The following LRP1B variants were observed in gnomAD, a reference collection of about 807,000 sequenced individuals.
The protein encoded by LRP1B is LDL receptor related protein 1B.
A neutral mutation model predicts 556.6 loss-of-function variants in LRP1B; 217 were observed. The observed-to-expected ratio is 0.39, with a 90% CI of 0.35 to 0.44. The LOEUF is 0.44. LRP1B is among the 20% of genes least tolerant of loss of function. The pLI is 1.00. For synonymous variants in LRP1B, 2,047 were observed against 1,865.8 expected (o/e 1.10, Z -2.50); for missense variants, 5,053 against 5,620.8 (o/e 0.90, Z 3.23).
At chr2:141,135,112 T>A (rs1701458557) in intron 7 of LRP1B, among the ~76,000 whole-genome samples, 1 of 151,828 alleles carries the variant, frequency 6.6e-6, no homozygotes, top group Non-Finnish European at 1.5e-5. Context: ...TGGGTATCTG[T>A]GTGAGAGAGA....
At chr2:140,588,335 G>A (rs187583011) in intron 43 of LRP1B, among the ~76,000 whole-genome samples, 4 of 152,212 alleles carry the variant, frequency 2.6e-5, no homozygotes, top group Admixed American at 6.5e-5. Context: ...TCTATGCTTC[G>A]CTTTACTGGG....
intron 2 of LRP1B, among the ~76,000 whole-genome samples, chr2:141,770,457 C>T (rs1694866306): frequency 6.6e-6 from 1 of 152,186 alleles, no homozygotes; most frequent in Admixed American, 6.5e-5. Context: ...TAATTTTGAT[C>T]TACTGAAGGT....
intron 41 of LRP1B, among the ~76,000 whole-genome samples, chr2:140,661,935 T>C (rs1376230919): frequency 6.6e-6 from 1 of 152,206 alleles, no homozygotes. Context: ...ACAATTTATC[T>C]AATTGAAACA....
At chr2:141,707,467 T>C (rs1228672562) in intron 2 of LRP1B, among the ~76,000 whole-genome samples, 1 of 152,118 alleles carries the variant, frequency 6.6e-6, no homozygotes, top group African/African-American at 2.4e-5. Context: ...GCCCTTGAGA[T>C]TCACCTCAGA....
chr2:140,430,794 A>G (rs1030687288), intron 66 of LRP1B, among the ~76,000 whole-genome samples: 4 of 152,128 alleles, frequency 2.6e-5, no homozygotes, highest in Admixed American at 6.5e-5. Flanking sequence ...CTGGAAATCT[A>G]TCCTCAAGGC....
intron 2 of LRP1B, among the ~76,000 whole-genome samples, chr2:141,797,653 A>T (rs1289909835): frequency 6.6e-6 from 1 of 152,162 alleles, no homozygotes; most frequent in East Asian, 1.9e-4. Context: ...GACTCCTTCT[A>T]TCTTGAACTA....
intron 1 of LRP1B, among the ~76,000 whole-genome samples, chr2:141,974,910 C>T (rs1446282316): frequency 2.0e-5 from 3 of 152,148 alleles, no homozygotes; most frequent in African/African-American, 7.2e-5. Context: ...GCCCAGACTT[C>T]TCATAATTTG....
At chr2:140,638,827 TTA>T (rs34633251) in intron 41 of LRP1B, among the ~76,000 whole-genome samples, 5,687 of 151,562 alleles carry the variant, frequency 0.038, 257 homozygotes, top group African/African-American at 0.11. Context: ...ATATACAAAA[TTA>T]TATATGTGTA....
At chr2:141,424,555 C>A (rs1238662252) in intron 3 of LRP1B, among the ~76,000 whole-genome samples, 1 of 152,150 alleles carries the variant, frequency 6.6e-6, no homozygotes, top group African/African-American at 2.4e-5. Context: ...TTGAAAGGCA[C>A]TTTGAATAAA....
rs2105425516 is a variant in LRP1B at position 140,701,703 on chromosome 2, T to C, written c.6427+18A>G. ...CACATAAAATATACATATTATGTAT[T>C]CTTTCAAGAGTGCTGACCTTTCTCT... On this transcript the variant is annotated intron_variant, in intron 40 of 90. Transcript: ENST00000389484. 1 of 1,600,942 alleles carries C rather than the reference T, an allele frequency of 6.2e-7. No individual in the cohort carries two copies.
intron 3 of LRP1B, among the ~76,000 whole-genome samples, chr2:141,387,429 T>C (rs1441886304): frequency 6.6e-6 from 1 of 151,928 alleles, no homozygotes; most frequent in African/African-American, 2.4e-5. Context: ...CCTTTAGCTG[T>C]ACAACAAGGG....
At chr2:140,750,420 T>C (rs1281173535) in intron 35 of LRP1B, among the ~76,000 whole-genome samples, 2 of 144,336 alleles carry the variant, frequency 1.4e-5, no homozygotes, top group Non-Finnish European at 3.1e-5. Flanking sequence ...TAATGTATAA[T>C]GATTTCTTTT....
At chr2:141,397,833 C>T (rs1690298760) in intron 3 of LRP1B, among the ~76,000 whole-genome samples, 1 of 150,694 alleles carries the variant, frequency 6.6e-6, no homozygotes, top group Non-Finnish European at 1.5e-5. Flanking sequence ...ATTTACATTA[C>T]ATATGCCTAT....
chr2:141,036,533 AATAATCTG>A (rs1356431945), intron 11 of LRP1B, among the ~76,000 whole-genome samples: 1 of 152,062 alleles, frequency 6.6e-6, no homozygotes, highest in African/African-American at 2.4e-5. Context: ...GGTACAAACA[AATAATCTG>A]CCTCTAGAAA....
intron 7 of LRP1B, among the ~76,000 whole-genome samples, chr2:141,115,790 A>G (rs1700883972): frequency 6.6e-6 from 1 of 151,980 alleles, no homozygotes; most frequent in Non-Finnish European, 1.5e-5. Flanking sequence ...CCTGACTAGC[A>G]TTTTTAAAGG....
chr2:140,556,569 T>C (rs927806244), intron 43 of LRP1B, among the ~76,000 whole-genome samples: 1 of 152,114 alleles, frequency 6.6e-6, no homozygotes, highest in South Asian at 2.1e-4. Flanking sequence ...TTAAAAGTTA[T>C]ATAAAATAAA....
chr2:140,902,244 G>C (rs529804194), intron 23 of LRP1B, among the ~76,000 whole-genome samples: 1 of 152,064 alleles, frequency 6.6e-6, no homozygotes, highest in Non-Finnish European at 1.5e-5. Context: ...GATGGGAAGC[G>C]ATACTTCTTT....
chr2:141,375,723 A>AGATAAGATAGGGCCCC (rs967645681), intron 3 of LRP1B, among the ~76,000 whole-genome samples: 10 of 152,188 alleles, frequency 6.6e-5, no homozygotes, highest in African/African-American at 2.4e-4. Flanking sequence ...TCCTGGGACC[A>AGATAAGATAGGGCCCC]GATAAGATAG....
chr2:141,712,180 A>G (rs1256559897), intron 2 of LRP1B, among the ~76,000 whole-genome samples: 2 of 151,872 alleles, frequency 1.3e-5, no homozygotes, highest in Non-Finnish European at 2.9e-5. Flanking sequence ...ATTTGGGAAC[A>G]TTAATGTTTA....
Sources: allele counts gnomAD v4.1 joint callset (sites outside exome capture counted in the v4.1 genomes callset), GRCh38; gene constraint gnomAD v4.1.1; transcripts MANE v1.5; gene names NCBI Gene and HGNC (gene_info 2026-07-23, HGNC 2026-07-21).